TYR: variants seen among roughly 807,000 people sequenced by gnomAD.
TYR encodes the protein LB24-AB.
Under a neutral mutation model 51.5 loss-of-function variants are expected in TYR, and 58 were observed. That is an observed-to-expected ratio of 1.13 (90% CI 0.91 to 1.40). The LOEUF (loss-of-function observed/expected upper bound fraction) is 1.40. Ranked by LOEUF, TYR falls within the 40% of genes most tolerant of loss-of-function variation. The probability of loss-of-function intolerance (pLI) is 0.00; values close to 1 mark genes in which losing one functional copy is unlikely to be tolerated. For missense variants in TYR, 732 were observed against 647.4 expected, an observed-to-expected ratio of 1.13 and a Z score of -1.42; for synonymous variants, 263 against 235.2, an observed-to-expected ratio of 1.12 and a Z score of -1.08.
At chr11:89,206,030 C>A (rs1029277656) in intron 2 of TYR, among the ~76,000 whole-genome samples, 3 of 151,556 alleles carry the variant, frequency 2.0e-5, no homozygotes, top group Admixed American at 6.6e-5. Context: ...GAAATACATT[C>A]AAAAAACTTG....
chr11:89,202,558 T>A (rs1418133854), intron 2 of TYR, among the ~76,000 whole-genome samples: 1 of 151,832 alleles, frequency 6.6e-6, no homozygotes, highest in African/African-American at 2.4e-5. Flanking sequence ...TACGCCAATT[T>A]GGCAGTCCTA....
At chr11:89,267,942 C>A (rs531983240) in intron 3 of TYR, among the ~76,000 whole-genome samples, 24 of 152,002 alleles carry the variant, frequency 1.6e-4, no homozygotes, top group Middle Eastern at 3.4e-3. Flanking sequence ...GTTGCCTAAA[C>A]CCTCACTTTT....
intron 2 of TYR, among the ~76,000 whole-genome samples, chr11:89,212,124 A>C (rs1399859908): frequency 1.3e-5 from 2 of 152,220 alleles, no homozygotes; most frequent in East Asian, 3.8e-4. Flanking sequence ...GAGACAAGAA[A>C]ATCCCTTCAA....
chr11:89,251,735 A>G (rs986034459), intron 3 of TYR, among the ~76,000 whole-genome samples: 2 of 151,894 alleles, frequency 1.3e-5, no homozygotes, highest in African/African-American at 4.8e-5. Flanking sequence ...TTCAAGATTC[A>G]CATGATGGGG....
chr11:89,206,948 C>G (rs1943679784), intron 2 of TYR, among the ~76,000 whole-genome samples: 1 of 151,794 alleles, frequency 6.6e-6, no homozygotes. Flanking sequence ...CCAAACTTAC[C>G]AAAATTTGTC....
chr11:89,261,644 G>A (rs564890161), intron 3 of TYR, among the ~76,000 whole-genome samples: 91 of 152,196 alleles, frequency 6.0e-4, no homozygotes, highest in Non-Finnish European at 1.2e-3. Flanking sequence ...TTCAGTAAGG[G>A]ATAGGACTAG....
chr11:89,188,090 A>T (rs999344376), intron 1 of TYR, among the ~76,000 whole-genome samples: 2 of 150,546 alleles, frequency 1.3e-5, no homozygotes, highest in Admixed American at 1.3e-4. Flanking sequence ...ATAATAAGTT[A>T]TATATATTGT....
intron 2 of TYR, among the ~76,000 whole-genome samples, chr11:89,196,092 T>A (rs946731659): frequency 2.0e-5 from 3 of 152,164 alleles, no homozygotes; most frequent in Non-Finnish European, 2.9e-5. Flanking sequence ...ATTCAAAGAA[T>A]TAAATGATGC....
In TYR at chr11:89,178,351, A is replaced by C. The variant is rs1235125199; in HGVS notation, c.398A>C (p.Lys133Thr). 2 of 1,613,982 alleles carry C rather than the reference A, an allele frequency of 1.2e-6. No individual in the cohort carries two copies. Among genetic ancestry groups the C allele is most frequent in the East Asian group, 2.2e-5 (1 of 44,880 alleles). The change falls in exon 1 of 5, where the codon AAA becomes ACA. Residue 133 changes from lysine (K) to threonine (T), a missense_variant. Transcript: ENST00000263321. ...GATTTGAGTGCCCCAGAGAAGGACA[A>C]ATTTTTTGCCTACCTCACTTTAGCA... ...IFDLSAPEKD[K>T]FFAYLTLAKH... is the part of the protein sequence containing the mutation.
chr11:89,209,139 A>G (rs1943715477), intron 2 of TYR, among the ~76,000 whole-genome samples: 1 of 152,160 alleles, frequency 6.6e-6, no homozygotes, highest in South Asian at 2.1e-4. Flanking sequence ...ATGGGGGGTC[A>G]CCTCATCTGG....
intron 2 of TYR, among the ~76,000 whole-genome samples, chr11:89,192,983 G>C (rs1182641277): frequency 6.6e-6 from 1 of 152,098 alleles, no homozygotes; most frequent in Non-Finnish European, 1.5e-5. Flanking sequence ...TCAACAGTGG[G>C]TTGAGAGTTT....
intron 2 of TYR, among the ~76,000 whole-genome samples, chr11:89,193,245 A>T (rs1271744417): frequency 6.6e-6 from 1 of 152,160 alleles, no homozygotes; most frequent in Non-Finnish European, 1.5e-5. Context: ...GCCATAAGTG[A>T]CAAAGCATAT....
chr11:89,284,228 C>T (rs1256574672), intron 3 of TYR, among the ~76,000 whole-genome samples: 3 of 151,732 alleles, frequency 2.0e-5, no homozygotes, highest in South Asian at 2.1e-4. Context: ...TAGAAAAAGC[C>T]GAGAAACAAA....
At chr11:89,290,365 G>A (rs2002720) in intron 4 of TYR, among the ~76,000 whole-genome samples, 5,818 of 152,130 alleles carry the variant, frequency 0.038, 204 homozygotes, top group East Asian at 0.099. Context: ...AATAGTAAGA[G>A]AAGCTGGAGA....
intron 3 of TYR, among the ~76,000 whole-genome samples, chr11:89,245,135 C>T (rs1944247957): frequency 6.6e-6 from 1 of 152,104 alleles, no homozygotes; most frequent in Non-Finnish European, 1.5e-5. Flanking sequence ...AGATTTTTTA[C>T]TTGTGACATT....
chr11:89,262,117 G>A (rs767882047), intron 3 of TYR, among the ~76,000 whole-genome samples: 19 of 151,816 alleles, frequency 1.3e-4, no homozygotes, highest in Non-Finnish European at 1.9e-4. Context: ...GGAGTGCAAC[G>A]GCACCATCTC....
intron 4 of TYR, chr11:89,293,760 C>A: frequency 5.5e-6 from 1 of 183,432 alleles, no homozygotes. Flanking sequence ...ATCATCTGGA[C>A]AAGAATGCCA....
At chr11:89,256,287 C>T (rs752857477) in intron 3 of TYR, among the ~76,000 whole-genome samples, 4 of 151,654 alleles carry the variant, frequency 2.6e-5, no homozygotes, top group African/African-American at 9.7e-5. Flanking sequence ...TAAATACACA[C>T]GAAGTATTTC....
Position 89,222,693 on chromosome 11 carries a change from C to T in TYR, c.1037-5130C>T, listed in dbSNP as rs78157879. Among the ~76,000 whole-genome samples the T allele has an allele frequency of 4.2e-3, 635 of 152,088 alleles. 17 individuals carry two copies. The East Asian group carries it at 0.049, about 12-fold the overall frequency. ...GGTGGAGGTTGCAGAAAGCTGAGAT[C>T]ACACCACTGCACTCCAGCCTGGGCA... On this transcript the variant is annotated intron_variant, in intron 2 of 4. Transcript: ENST00000263321.
Sources: gnomAD v4.1 joint callset for allele counts (sites outside exome capture counted in the v4.1 genomes callset) on GRCh38, gnomAD v4.1.1 for gene constraint, MANE v1.5 for transcripts, NCBI Gene and HGNC (gene_info 2026-07-23, HGNC 2026-07-21) for gene names.